Variants in OR1J2 observed in about 807,000 individuals in gnomAD.
OR1J2 encodes olfactory receptor family 1 subfamily J member 2, also known as olfactory receptor 1J2.
For synonymous variants in OR1J2, 142 were observed against 99.7 expected (o/e 1.42, Z -2.52); for missense variants, 304 against 246.1 (o/e 1.24, Z -1.57).
chr9:122,553,170 A>G, the OR1J2 span: 3 of 1,592,648 alleles, frequency 1.9e-6, no homozygotes, highest in Non-Finnish European at 2.6e-6. Context: ...ATACTGACAC[A>G]TGGAAGGTTT....
chr9:122,498,932 T>C, the OR1J2 span, among the ~76,000 whole-genome samples: 1 of 152,240 alleles, frequency 6.6e-6, no homozygotes, highest in Non-Finnish European at 1.5e-5. Flanking sequence ...GTGCTTCTTT[T>C]GGCAGATTTT....
chr9:122,570,332 C>G, the OR1J2 span, among the ~76,000 whole-genome samples: 1 of 152,198 alleles, frequency 6.6e-6, no homozygotes, highest in African/African-American at 2.4e-5. Flanking sequence ...CACATCCTCT[C>G]CAGCATCTGT....
At chr9:122,475,396 C>G in the OR1J2 span, among the ~76,000 whole-genome samples, 7 of 152,302 alleles carry the variant, frequency 4.6e-5, no homozygotes, top group South Asian at 1.5e-3. Flanking sequence ...CTTTCTCTCA[C>G]AAAAGCAGGG....
At chr9:122,483,088 A>C in the OR1J2 span, among the ~76,000 whole-genome samples, 2 of 152,242 alleles carry the variant, frequency 1.3e-5, no homozygotes, top group African/African-American at 2.4e-5. Flanking sequence ...ATATGTATCA[A>C]AACATCACAC....
the OR1J2 span, chr9:122,568,446 G>C: frequency 1.9e-6 from 3 of 1,608,364 alleles, no homozygotes; most frequent in East Asian, 4.5e-5. Flanking sequence ...GATAAACTCG[G>C]AGACACTGCT....
chr9:122,523,149 C>T, the OR1J2 span, among the ~76,000 whole-genome samples: 2 of 152,104 alleles, frequency 1.3e-5, no homozygotes, highest in Non-Finnish European at 2.9e-5. Context: ...GAAGGATGCT[C>T]AGGATTGATA....
At chr9:122,548,932 GTTGA>G in the OR1J2 span, among the ~76,000 whole-genome samples, 1 of 152,030 alleles carries the variant, frequency 6.6e-6, no homozygotes, top group South Asian at 2.1e-4. Context: ...TGTTTACTCT[GTTGA>G]TTATTTCTTT....
At chr9:122,484,174 T>C in the OR1J2 span, among the ~76,000 whole-genome samples, 1 of 152,088 alleles carries the variant, frequency 6.6e-6, no homozygotes, top group African/African-American at 2.4e-5. Context: ...TTTTTGTTTG[T>C]TTTTTTGAGA....
chr9:122,517,281 G>A, the OR1J2 span, among the ~76,000 whole-genome samples: 1 of 152,152 alleles, frequency 6.6e-6, no homozygotes, highest in South Asian at 2.1e-4. Flanking sequence ...TAAGGTCACA[G>A]CCCCAGGGAG....
chr9:122,543,476 T>C, the OR1J2 span, among the ~76,000 whole-genome samples: 5,601 of 152,320 alleles, frequency 0.037, 339 homozygotes, highest in African/African-American at 0.13. Context: ...GTGCTGAGAT[T>C]AGAGGCGTGA....
the OR1J2 span, among the ~76,000 whole-genome samples, chr9:122,525,254 G>C: frequency 1.3e-5 from 2 of 152,126 alleles, no homozygotes; most frequent in Non-Finnish European, 2.9e-5. Context: ...ATTCACATTT[G>C]TACTTACTAA....
chr9:122,552,384 A>G, the OR1J2 span, among the ~76,000 whole-genome samples: 1 of 152,204 alleles, frequency 6.6e-6, no homozygotes, highest in Admixed American at 6.5e-5. Flanking sequence ...TATTAGATAA[A>G]TGTAGTACAA....
chr9:122,488,454 C>G, the OR1J2 span, among the ~76,000 whole-genome samples: 1 of 152,184 alleles, frequency 6.6e-6, no homozygotes, highest in African/African-American at 2.4e-5. Context: ...AGACTTCCTC[C>G]TTCCCACATT....
chr9:122,535,629 T>C, the OR1J2 span, among the ~76,000 whole-genome samples: 14,772 of 152,050 alleles, frequency 0.097, 1,042 homozygotes, highest in East Asian at 0.33. Flanking sequence ...AGATGTTTCT[T>C]GGGCTGCTGG....
the OR1J2 span, among the ~76,000 whole-genome samples, chr9:122,533,333 G>T: frequency 6.6e-6 from 1 of 152,168 alleles, no homozygotes; most frequent in African/African-American, 2.4e-5. Context: ...TGTAACAGGC[G>T]AATGATAACA....
chr9:122,477,582 G>A, the OR1J2 span: 2 of 1,614,136 alleles, frequency 1.2e-6, no homozygotes, highest in South Asian at 2.2e-5. Flanking sequence ...CCATTGAAGT[G>A]ATAAGGAAAC....
chr9:122,539,079 G>C, the OR1J2 span, among the ~76,000 whole-genome samples: 1 of 152,056 alleles, frequency 6.6e-6, no homozygotes, highest in African/African-American at 2.4e-5. Context: ...GAAGGTAGGG[G>C]CCTGACTTTC....
chr9:122,541,540 A>C, the OR1J2 span, among the ~76,000 whole-genome samples: 1 of 152,212 alleles, frequency 6.6e-6, no homozygotes, highest in Non-Finnish European at 1.5e-5. Flanking sequence ...ATATACAGCT[A>C]AGATTAGTGA....
At chr9:122,551,220 G>A in the OR1J2 span, among the ~76,000 whole-genome samples, 2 of 152,118 alleles carry the variant, frequency 1.3e-5, no homozygotes, top group African/African-American at 4.8e-5. Context: ...AACCAACAAT[G>A]ATACTAGAAC....
Sources: gnomAD v4.1 joint callset for allele counts (sites outside exome capture counted in the v4.1 genomes callset) on GRCh38, gnomAD v4.1.1 for gene constraint, MANE v1.5 for transcripts, NCBI Gene and HGNC (gene_info 2026-07-23, HGNC 2026-07-21) for gene names.